Variants in STX12 observed in about 807,000 individuals in gnomAD.
The protein encoded by STX12 is syntaxin-12.
In STX12, 17 loss-of-function variants were observed where a neutral mutation model predicts 42.2. That is an observed-to-expected ratio of 0.40 (90% CI 0.28 to 0.60). The LOEUF (loss-of-function observed/expected upper bound fraction) is 0.60. STX12 is among the 20% of genes least tolerant of loss of function. STX12 has a pLI of 0.39. For synonymous variants in STX12, 108 were observed against 116.7 expected (o/e 0.93, Z 0.48); for missense variants, 297 against 330.9 (o/e 0.90, Z 0.79).
chr1:27,791,494 G>A (rs530298355), intron 2 of STX12, among the ~76,000 whole-genome samples: 57 of 151,996 alleles, frequency 3.8e-4, no homozygotes, highest in Non-Finnish European at 7.4e-4. Context: ...CTCCATTTCT[G>A]CTTTTAGTGC....
At position 27,792,158 on chromosome 1, in the gene STX12, CTATA is replaced by C. The variant is rs1186804137; in HGVS notation, c.189-1371_189-1368del. Among the ~76,000 whole-genome samples, 29 of 100,126 alleles carry C rather than the reference CTATA, an allele frequency of 2.9e-4. No individual in the cohort carries two copies. The South Asian group carries it at 6.0e-3, about 21-fold the overall frequency. 65.7% of individuals were successfully genotyped at this position (100,126 alleles called of 152,430 possible). A position where few individuals can be genotyped will look rare whatever the true frequency, so the allele number is the denominator to read the frequency against. ...TATGTATATATCTATATATGTGTAT[CTATA>C]TATGTATATACATATATATGTATCT... On this transcript the variant is annotated intron_variant, in intron 2 of 8. Transcript: ENST00000373943.
intron 1 of STX12, among the ~76,000 whole-genome samples, chr1:27,779,805 G>A (rs372929967): frequency 8.7e-5 from 13 of 148,796 alleles, no homozygotes; most frequent in Non-Finnish European, 1.5e-4. Context: ...TTTTTTTAGA[G>A]AAAGAGAGTT....
intron 3 of STX12, among the ~76,000 whole-genome samples, chr1:27,794,289 A>G (rs989359408): frequency 6.6e-6 from 1 of 152,030 alleles, no homozygotes; most frequent in African/African-American, 2.4e-5. Flanking sequence ...AGCCTCCCAA[A>G]GTGTTGGGAT....
chr1:27,810,929 A>T (rs1222942340), intron 5 of STX12, among the ~76,000 whole-genome samples: 1 of 152,110 alleles, frequency 6.6e-6, no homozygotes, highest in Non-Finnish European at 1.5e-5. Flanking sequence ...GTGAAGTATG[A>T]TTTATGATAC....
chr1:27,782,770 A>T (rs776172579), intron 1 of STX12, among the ~76,000 whole-genome samples: 1 of 152,198 alleles, frequency 6.6e-6, no homozygotes, highest in Non-Finnish European at 1.5e-5. Context: ...CAGGAGGTGG[A>T]GGTTGCAGTG....
At chr1:27,776,103 G>A (rs1054601583) in intron 1 of STX12, among the ~76,000 whole-genome samples, 2 of 151,946 alleles carry the variant, frequency 1.3e-5, no homozygotes, top group African/African-American at 4.8e-5. Flanking sequence ...GATAGGAGAG[G>A]TTTCCTTGGT....
At chr1:27,796,345 A>G (rs574434144) in intron 3 of STX12, among the ~76,000 whole-genome samples, 1 of 152,218 alleles carries the variant, frequency 6.6e-6, no homozygotes, top group East Asian at 1.9e-4. Flanking sequence ...ACTATCATCA[A>G]TGATCTAGTT....
At chr1:27,778,102 C>T (rs1003526530) in intron 1 of STX12, among the ~76,000 whole-genome samples, 2 of 152,148 alleles carry the variant, frequency 1.3e-5, no homozygotes, top group African/African-American at 4.8e-5. Flanking sequence ...CCTGCAAGGA[C>T]TTGTACCCAT....
chr1:27,805,374 A>G (rs1571528126), intron 4 of STX12, among the ~76,000 whole-genome samples: 1 of 152,186 alleles, frequency 6.6e-6, no homozygotes, highest in Non-Finnish European at 1.5e-5. Flanking sequence ...TAGATTTTTC[A>G]TTTTAAAAAA....
intron 7 of STX12, 107 bp from the exon 8 acceptor site, chr1:27,819,543 T>G: frequency 2.3e-6 from 2 of 856,446 alleles, no homozygotes; most frequent in South Asian, 3.4e-5. Context: ...GCTGGATAGT[T>G]TGGATAGTGG....
At chr1:27,800,321 A>C (rs2088818575) in intron 3 of STX12, among the ~76,000 whole-genome samples, 1 of 152,144 alleles carries the variant, frequency 6.6e-6, no homozygotes, top group Non-Finnish European at 1.5e-5. Flanking sequence ...CTTACTGATT[A>C]TTCCTGCCCT....
intron 5 of STX12, 63 bp from the exon 6 acceptor site, chr1:27,812,100 T>G: frequency 7.5e-7 from 1 of 1,329,112 alleles, no homozygotes; most frequent in Non-Finnish European, 1.1e-6. Flanking sequence ...GTAGAGATGT[T>G]GGAGATATGT....
intron 1 of STX12, among the ~76,000 whole-genome samples, chr1:27,777,273 G>A (rs747066134): frequency 1.3e-5 from 2 of 152,122 alleles, no homozygotes; most frequent in Non-Finnish European, 2.9e-5. Context: ...GAGTAGACAT[G>A]TGAATGAAAT....
At chr1:27,795,194 T>TA (rs745887906) in intron 3 of STX12, among the ~76,000 whole-genome samples, 12 of 151,784 alleles carry the variant, frequency 7.9e-5, no homozygotes, top group Non-Finnish European at 1.5e-4. Context: ...TTAAAAAACT[T>TA]AGAGTAGAAG....
In STX12 at chr1:27,822,912, G is replaced by C. The variant is rs2088994813; in HGVS notation, c.*583G>C. On this transcript the variant is annotated 3_prime_UTR_variant, in exon 9 of 9. Transcript: ENST00000373943. ...TAAATGAGAAGTCTCTATCTGAGCT[G>C]GTCAGTTACTGGAGTACATGTTACT... 1.3e-5 allele frequency: 2 copies of C among 152,328 alleles called. No homozygotes were observed. The highest frequency in any genetic ancestry group is 2.4e-5 in the African/African-American group (1 of 41,432). 9.4% of individuals were successfully genotyped at this position (152,328 alleles called of 1,614,324 possible). A position where few individuals can be genotyped will look rare whatever the true frequency, so the allele number is the denominator to read the frequency against.
intron 2 of STX12, among the ~76,000 whole-genome samples, chr1:27,790,267 G>T (rs1345984350): frequency 6.6e-6 from 1 of 152,160 alleles, no homozygotes; most frequent in Admixed American, 6.5e-5. Context: ...GCTCTTTAAG[G>T]TGGTGCGGAC....
intron 1 of STX12, among the ~76,000 whole-genome samples, chr1:27,788,466 A>T (rs2088713760): frequency 6.6e-6 from 1 of 152,180 alleles, no homozygotes; most frequent in South Asian, 2.1e-4. Flanking sequence ...TTGGTCTAGG[A>T]TAGGAGTTAA....
chr1:27,788,658 G>A (rs902212418), intron 1 of STX12, among the ~76,000 whole-genome samples: 1 of 152,134 alleles, frequency 6.6e-6, no homozygotes, highest in African/African-American at 2.4e-5. Context: ...TATTAATTGT[G>A]TATGCTTGTA....
intron 1 of STX12, chr1:27,773,854 G>A (rs1305087084): frequency 5.7e-6 from 1 of 175,370 alleles, no homozygotes; most frequent in Non-Finnish European, 1.2e-5. Flanking sequence ...TAGCCTTTAG[G>A]TTTACATTCT....
Sources: allele counts gnomAD v4.1 joint callset (sites outside exome capture counted in the v4.1 genomes callset), GRCh38; gene constraint gnomAD v4.1.1; transcripts MANE v1.5; gene names NCBI Gene and HGNC (gene_info 2026-07-23, HGNC 2026-07-21).